The following CREBRF variants were observed in gnomAD, a reference collection of about 807,000 sequenced individuals.
CREBRF encodes the protein CREB3 regulatory factor.
Under a neutral mutation model 66.1 loss-of-function variants are expected in CREBRF, and 5 were observed. The ratio of observed to expected loss-of-function variants is 0.08; its 90% CI spans 0.04 to 0.16. CREBRF has a LOEUF of 0.16. Among genes scored for constraint, CREBRF ranks in the 10% least tolerant of loss-of-function variants. The pLI is 1.00. For synonymous variants in CREBRF, 229 were observed against 264.4 expected, an observed-to-expected ratio of 0.87 and a Z score of 1.30; for missense variants, 531 against 744.9, an observed-to-expected ratio of 0.71 and a Z score of 3.34.
chr5:173,100,128 A>ATATATATAATTTTTTTTTTTTTT (rs1758588683), intron 4 of CREBRF, among the ~76,000 whole-genome samples: 1 of 109,650 alleles, frequency 9.1e-6, no homozygotes, highest in African/African-American at 3.3e-5. Context: ...GTATATATAT[A>ATATATATAATTTTTTTTTTTTTT]TAATTTTTTT....
intron 1 of CREBRF, among the ~76,000 whole-genome samples, chr5:173,058,021 T>G (rs1032355655): frequency 4.0e-5 from 6 of 150,166 alleles, no homozygotes; most frequent in African/African-American, 1.5e-4. Context: ...AAAAATAGGA[T>G]CAAGGCCTGG....
chr5:173,115,201 G>A (rs542767628), intron 7 of CREBRF, among the ~76,000 whole-genome samples: 10 of 151,642 alleles, frequency 6.6e-5, no homozygotes, highest in Non-Finnish European at 1.5e-4. Context: ...CTGCCTCCTG[G>A]GTTCAAGCGA....
At chr5:173,058,976 T>A (rs1470921588) in intron 1 of CREBRF, among the ~76,000 whole-genome samples, 1 of 151,234 alleles carries the variant, frequency 6.6e-6, no homozygotes, top group African/African-American at 2.4e-5. Context: ...TTTGTGTTTT[T>A]AATAGAGACG....
At chr5:173,058,942 C>G (rs977164502) in intron 1 of CREBRF, among the ~76,000 whole-genome samples, 1 of 151,488 alleles carries the variant, frequency 6.6e-6, no homozygotes, top group Non-Finnish European at 1.5e-5. Flanking sequence ...ACTACAGGCG[C>G]GTGCCACCAT....
At chr5:173,113,457 C>T (rs968019400) in intron 7 of CREBRF, among the ~76,000 whole-genome samples, 16 of 152,018 alleles carry the variant, frequency 1.1e-4, no homozygotes, top group African/African-American at 2.7e-4. Context: ...TACAGGCCCA[C>T]GCACCACACC....
intron 4 of CREBRF, among the ~76,000 whole-genome samples, chr5:173,095,846 G>C (rs572458619): frequency 6.6e-6 from 1 of 151,256 alleles, no homozygotes; most frequent in Non-Finnish European, 1.5e-5. Flanking sequence ...TTGTAAATGG[G>C]ATTTTTTTCT....
intron 4 of CREBRF, among the ~76,000 whole-genome samples, chr5:173,102,760 G>C (rs1006760172): frequency 1.3e-5 from 2 of 152,110 alleles, no homozygotes; most frequent in African/African-American, 4.8e-5. Context: ...TGAGCCTGGA[G>C]TCCAGGACTC....
In CREBRF at chr5:173,090,944, T is replaced by G. The variant is rs1758309225; in HGVS notation, c.765T>G (p.Ile255Met). The change falls in exon 4 of 9, where the codon ATT (isoleucine) becomes ATG (methionine). Residue 255 changes from isoleucine to methionine, a missense_variant. Physicochemically the swap from Ile to Met is conservative, Grantham distance 10. Transcript: ENST00000296953. The surrounding 1 kb of genome is among the most constrained non-coding windows in gnomAD (Gnocchi z 4.5). ...AGAGCCGGCCCTTGTTGAGCCAGAT[T>G]CACACAGATGCAGCAAAGGAGAACA... ...VQQSRPLLSQIHTDAAKENTC... is the reference protein window; with the variant it reads ...VQQSRPLLSQMHTDAAKENTC... 6.2e-7 allele frequency: 1 copy of G among 1,613,994 alleles called. No homozygotes were observed. The highest frequency in any genetic ancestry group is 8.5e-7 in the Non-Finnish European group (1 of 1,180,030).
At chr5:173,063,103 TGGATCGAGTTTGACGCAG>T (rs1198524109) in intron 1 of CREBRF, among the ~76,000 whole-genome samples, 3 of 152,166 alleles carry the variant, frequency 2.0e-5, no homozygotes, top group Non-Finnish European at 4.4e-5. Context: ...GGCTAGGATT[TGGATCGAGTTTGACGCAG>T]GGTGCGGCAG....
At chr5:173,116,036 C>T (rs180723140) in intron 7 of CREBRF, among the ~76,000 whole-genome samples, 9 of 152,310 alleles carry the variant, frequency 5.9e-5, no homozygotes, top group African/African-American at 2.2e-4. Flanking sequence ...TTGTGGCATG[C>T]TTCTGTAATC....
At chr5:173,093,288 C>T (rs1758395087) in intron 4 of CREBRF, among the ~76,000 whole-genome samples, 1 of 152,132 alleles carries the variant, frequency 6.6e-6, no homozygotes, top group Admixed American at 6.5e-5. Flanking sequence ...ATCTACCTGA[C>T]TTTTGATTGT....
intron 8 of CREBRF, among the ~76,000 whole-genome samples, chr5:173,130,897 G>A (rs1382124382): frequency 6.6e-6 from 1 of 152,148 alleles, no homozygotes; most frequent in Non-Finnish European, 1.5e-5. Context: ...AGTAGAGACA[G>A]GGTTTCACCA....
Position 173,104,413 on chromosome 5 carries a change from A to G in CREBRF, c.1223-4211A>G, listed in dbSNP as rs185904953. On this transcript the variant is annotated intron_variant, in intron 4 of 8. Coordinates refer to ENST00000296953, the MANE Select transcript of CREBRF (RefSeq NM_153607.3). ...AGGTGGATGGTGGCTGAGCATGGTA[A>G]TTCATGCCCGTAATCTCAGCACTTT... Among the ~76,000 whole-genome samples, 6 of 152,120 alleles carry G rather than the reference A, an allele frequency of 3.9e-5. No individual in the cohort carries two copies. In the East Asian group the frequency reaches 1.2e-3, roughly 29 times the overall value.
chr5:173,081,113 A>G (rs987379554), intron 2 of CREBRF, among the ~76,000 whole-genome samples: 8 of 152,098 alleles, frequency 5.3e-5, no homozygotes, highest in Non-Finnish European at 1.0e-4. Context: ...CACTATTCCT[A>G]TTTCCCAATT....
intron 4 of CREBRF, among the ~76,000 whole-genome samples, chr5:173,093,368 C>T (rs547583752): frequency 3.3e-5 from 5 of 152,242 alleles, no homozygotes; most frequent in Non-Finnish European, 7.4e-5. Flanking sequence ...AAATTGTATA[C>T]GTTTAAAGTG....
chr5:173,106,631 A>G (rs1209898937), intron 4 of CREBRF, among the ~76,000 whole-genome samples: 1 of 152,204 alleles, frequency 6.6e-6, no homozygotes, highest in Non-Finnish European at 1.5e-5. Context: ...TTCACACAGT[A>G]AAATTCACCC....
chr5:173,063,968 T>A (rs1757358541), intron 1 of CREBRF, among the ~76,000 whole-genome samples: 1 of 152,104 alleles, frequency 6.6e-6, no homozygotes, highest in African/African-American at 2.4e-5. Context: ...GCGATCTGCC[T>A]GCCTTGGCCT....
At chr5:173,083,643 C>A (rs1391202867) in intron 2 of CREBRF, among the ~76,000 whole-genome samples, 1 of 152,144 alleles carries the variant, frequency 6.6e-6, no homozygotes, top group Non-Finnish European at 1.5e-5. Flanking sequence ...TGGGACTCAG[C>A]AGCACAGAGT....
At chr5:173,123,330 T>C (rs1759187260) in intron 8 of CREBRF, 128 bp downstream of exon 8, 1 of 789,116 alleles carries the variant, frequency 1.3e-6, no homozygotes, top group Non-Finnish European at 1.9e-6. Flanking sequence ...TACTCTCCTT[T>C]ATGAGTAGTT....
Sources: allele counts gnomAD v4.1 joint callset (sites outside exome capture counted in the v4.1 genomes callset), GRCh38; gene constraint gnomAD v4.1.1; non-coding constraint Gnocchi (gnomAD v3.1); transcripts MANE v1.5; gene names NCBI Gene and HGNC (gene_info 2026-07-23, HGNC 2026-07-21).